PCDH15: variants seen among roughly 807,000 people sequenced by gnomAD.
PCDH15 encodes protocadherin related 15, also known as protocadherin-15.
A neutral mutation model predicts 178.5 loss-of-function variants in PCDH15; 129 were observed. That is an observed-to-expected ratio of 0.72 (90% CI 0.63 to 0.84). PCDH15 has a LOEUF of 0.84. Ranked by LOEUF, PCDH15 falls within the 40% of genes least tolerant of loss-of-function variation. The pLI, the probability that PCDH15 is intolerant of heterozygous loss-of-function variation, is 0.00. For missense variants in PCDH15, 2,230 were observed against 2,099.9 expected (o/e 1.06, Z -1.21); for synonymous variants, 800 against 732.0 (o/e 1.09, Z -1.50).
At chr10:54,788,391 GT>G (rs1302307276) in intron 1 of PCDH15, among the ~76,000 whole-genome samples, 1 of 151,842 alleles carries the variant, frequency 6.6e-6, no homozygotes, top group East Asian at 1.9e-4. Flanking sequence ...GAGACAGTTG[GT>G]TATGCAGGTC....
chr10:55,357,255 A>C (rs1270578102), intron 2 of PCDH15, among the ~76,000 whole-genome samples: 1 of 152,010 alleles, frequency 6.6e-6, no homozygotes, highest in African/African-American at 2.4e-5. Flanking sequence ...ATAAATATAC[A>C]ACAAAAGTAT....
chr10:54,071,816 T>C (rs2094248298), intron 17 of PCDH15, among the ~76,000 whole-genome samples: 1 of 152,124 alleles, frequency 6.6e-6, no homozygotes, highest in Non-Finnish European at 1.5e-5. Context: ...AATAAAAACA[T>C]GAGTGTTTAA....
intron 15 of PCDH15, among the ~76,000 whole-genome samples, chr10:54,099,486 G>A (rs1384611629): frequency 1.4e-4 from 12 of 86,046 alleles, no homozygotes; most frequent in African/African-American, 4.8e-4. Context: ...GCGACAGAGC[G>A]AGACTCCATC....
rs190170302 is a variant in PCDH15, at chr10:54,181,726, T to C, written c.1590+1718A>G. ...CATTTTATTAATGTGACAAGTACCA[T>C]ACCAATATATTAAAAAATTTACCAT... On this transcript the variant is annotated intron_variant, in intron 13 of 37. Coordinates refer to ENST00000644397, the MANE Select transcript of PCDH15 (RefSeq NM_001384140.1). Among the ~76,000 whole-genome samples, 20 of 152,252 alleles carry C rather than the reference T, an allele frequency of 1.3e-4. No individual in the cohort carries two copies. In the East Asian group the frequency reaches 3.3e-3, roughly 25 times the overall value.
At chr10:53,884,609 A>G (rs2080961982) in intron 26 of PCDH15, among the ~76,000 whole-genome samples, 1 of 152,178 alleles carries the variant, frequency 6.6e-6, no homozygotes, top group African/African-American at 2.4e-5. Flanking sequence ...TAAAAATTAC[A>G]ATCTAATATT....
chr10:54,954,559 C>T (rs1411218359), intron 2 of PCDH15, among the ~76,000 whole-genome samples: 1 of 151,062 alleles, frequency 6.6e-6, no homozygotes, highest in Non-Finnish European at 1.5e-5. Flanking sequence ...ACCATTATGC[C>T]CTGACCTCTA....
rs536361748 is a variant in PCDH15 at position 54,376,935 on chromosome 10, A to G, written c.318+1847T>C. 8.5e-5 allele frequency among the ~76,000 whole-genome samples: 13 copies of G among 152,176 alleles called. No homozygotes were observed. In the East Asian group the frequency reaches 2.3e-3, roughly 27 times the overall value. Reference sequence around the variant, plus strand: ...TTTTTGTAATTCTTAAAAACTGCAAACAAACTTGACTTCCAAAATAGGAGA... The same window carrying G: ...TTTTTGTAATTCTTAAAAACTGCAAGCAAACTTGACTTCCAAAATAGGAGA... On this transcript the variant is annotated intron_variant, in intron 4 of 37. Transcript: ENST00000644397.
Position 53,887,902 on chromosome 10 carries a change from TA to T in PCDH15, c.3501+15340del, listed in dbSNP as rs777400739. Reference sequence around the variant, plus strand: ...AGACTCCATCTCCAAAAAATAAAAATAAAAAACAAAAAACAAAAAAACAAAA... The same window carrying T: ...AGACTCCATCTCCAAAAAATAAAAATAAAAACAAAAAACAAAAAAACAAAA... On this transcript the variant is annotated intron_variant, in intron 26 of 37. Coordinates refer to ENST00000644397, the MANE Select transcript of PCDH15 (RefSeq NM_001384140.1). 3.3e-5 allele frequency among the ~76,000 whole-genome samples: 5 copies of T among 150,468 alleles called. No individual in the cohort carries two copies. The East Asian group carries it at 9.8e-4, about 30-fold the overall frequency.
At chr10:54,024,593 G>A (rs2093026745) in intron 18 of PCDH15, among the ~76,000 whole-genome samples, 1 of 152,216 alleles carries the variant, frequency 6.6e-6, no homozygotes, top group East Asian at 1.9e-4. Flanking sequence ...ATTTCAGCAG[G>A]ATTTGTCTCT....
chr10:54,614,008 C>A (rs1158441957), intron 2 of PCDH15, among the ~76,000 whole-genome samples: 3 of 151,808 alleles, frequency 2.0e-5, no homozygotes, highest in African/African-American at 4.8e-5. Flanking sequence ...ATAACTGTTT[C>A]TTAATAAAAC....
chr10:55,292,671 C>T (rs1300853893), intron 1 of PCDH15, among the ~76,000 whole-genome samples: 1 of 152,168 alleles, frequency 6.6e-6, no homozygotes, highest in African/African-American at 2.4e-5. Context: ...TGTGAGCCAC[C>T]ACACCCGTCC....
At chr10:55,547,698 C>T (rs141432821) in intron 2 of PCDH15, among the ~76,000 whole-genome samples, 6 of 152,084 alleles carry the variant, frequency 3.9e-5, no homozygotes, top group African/African-American at 1.2e-4. Context: ...ATTTCTTTGA[C>T]CACTAGAAGG....
intron 2 of PCDH15, among the ~76,000 whole-genome samples, chr10:55,415,586 C>T (rs1838460299): frequency 6.6e-6 from 1 of 151,682 alleles, no homozygotes; most frequent in African/African-American, 2.4e-5. Flanking sequence ...TATCTATTAA[C>T]TAGCTATAGT....
At chr10:54,171,799 C>T (rs1465967465) in intron 13 of PCDH15, among the ~76,000 whole-genome samples, 13 of 151,942 alleles carry the variant, frequency 8.6e-5, no homozygotes, top group African/African-American at 2.4e-4. Flanking sequence ...CATCCAAAAC[C>T]GTATCCAGGC....
At chr10:55,148,505 A>G (rs1267372646) in intron 2 of PCDH15, among the ~76,000 whole-genome samples, 1 of 151,880 alleles carries the variant, frequency 6.6e-6, no homozygotes, top group Non-Finnish European at 1.5e-5. Context: ...GGACTATTTC[A>G]GTTTACAACC....
intron 3 of PCDH15, among the ~76,000 whole-genome samples, chr10:54,506,109 T>C (rs2081143246): frequency 6.6e-6 from 1 of 152,178 alleles, no homozygotes; most frequent in Non-Finnish European, 1.5e-5. Flanking sequence ...AATGCACAGT[T>C]CATGAATCAG....
At chr10:55,007,107 C>G (rs1251569290) in intron 2 of PCDH15, among the ~76,000 whole-genome samples, 1 of 152,118 alleles carries the variant, frequency 6.6e-6, no homozygotes, top group Admixed American at 6.6e-5. Flanking sequence ...CCACTATAAT[C>G]TTAAGCCTCC....
rs549914691 is a variant in PCDH15, at chr10:54,702,027, A to G, written c.-28-37737T>C. On this transcript the variant is annotated intron_variant, in intron 1 of 37. Transcript: ENST00000644397. Reference sequence around the variant, plus strand: ...CATTCTTCTCATCTGTACATGACACATACTATATAATCAACCACACAATCA... The same window carrying G: ...CATTCTTCTCATCTGTACATGACACGTACTATATAATCAACCACACAATCA... Among the ~76,000 whole-genome samples, 440 of 152,150 alleles carry G rather than the reference A, an allele frequency of 2.9e-3. 2 individuals are homozygous for G. Among genetic ancestry groups the G allele is most frequent in the Non-Finnish European group, 4.9e-3 (332 of 67,922 alleles).
At chr10:54,359,945 A>T (rs1195544803) in intron 5 of PCDH15, among the ~76,000 whole-genome samples, 1 of 152,180 alleles carries the variant, frequency 6.6e-6, no homozygotes, top group Non-Finnish European at 1.5e-5. Flanking sequence ...AAAATAAATT[A>T]ATATGCAATT....
Sources: allele counts gnomAD v4.1 joint callset (sites outside exome capture counted in the v4.1 genomes callset), GRCh38; gene constraint gnomAD v4.1.1; transcripts MANE v1.5; gene names NCBI Gene and HGNC (gene_info 2026-07-23, HGNC 2026-07-21).